Variants in CMYA5 observed in about 807,000 individuals in gnomAD.
CMYA5 encodes the protein cardiomyopathy-associated protein 5.
CMYA5 carries 246 observed loss-of-function variants against 318.9 expected under a neutral mutation model. That is an observed-to-expected ratio of 0.77 (90% CI 0.70 to 0.86). The LOEUF (loss-of-function observed/expected upper bound fraction) is 0.86. Ranked by LOEUF, CMYA5 falls within the 40% of genes least tolerant of loss-of-function variation. The probability of loss-of-function intolerance (pLI) is 0.00; values close to 1 mark genes in which losing one functional copy is unlikely to be tolerated. For synonymous variants in CMYA5, 1,641 were observed against 1,729.5 expected (o/e 0.95, Z 1.27); for missense variants, 4,589 against 4,678.2 (o/e 0.98, Z 0.56).
chr5:79,772,364 C>T (rs749661002), intron 9 of CMYA5, among the ~76,000 whole-genome samples: 9 of 152,126 alleles, frequency 5.9e-5, no homozygotes, highest in Non-Finnish European at 1.2e-4. Context: ...GTTGCACATG[C>T]GAAGCCCTGT....
intron 7 of CMYA5, among the ~76,000 whole-genome samples, chr5:79,759,644 GTGCTGCCA>G (rs1169237214): frequency 6.6e-6 from 1 of 152,170 alleles, no homozygotes; most frequent in Non-Finnish European, 1.5e-5. Flanking sequence ...AGAGCTGGGA[GTGCTGCCA>G]TTCTGTGTTG....
chr5:79,729,014 A>C lies in CMYA5; in HGVS notation c.249A>C (p.Ile83=). The change falls in exon 2 of 13, where the codon ATA becomes ATC. Residue 83 remains isoleucine, a synonymous_variant. Transcript: ENST00000446378. ...CAGTCCAAAGGGAAGATAGTGGGAT[A>C]ACCTGGGAAACCAATTCAAGTAGAT... ...MVTVQREDSG[I]TWETNSSRSS... 6.2e-7 allele frequency: 1 copy of C among 1,614,010 alleles called. No homozygotes were observed.
At chr5:79,794,072 C>T (rs1829229786) in intron 12 of CMYA5, among the ~76,000 whole-genome samples, 1 of 152,196 alleles carries the variant, frequency 6.6e-6, no homozygotes, top group Admixed American at 6.5e-5. Flanking sequence ...AGGAGTCCCT[C>T]CACAGAGAAG....
chr5:79,795,040 TA>T (rs1829250552), intron 12 of CMYA5, among the ~76,000 whole-genome samples: 1 of 152,096 alleles, frequency 6.6e-6, no homozygotes, highest in African/African-American at 2.4e-5. Context: ...CTCAAATCTT[TA>T]AAAAGCCCAC....
At chr5:79,700,177 A>G (rs946936017) in intron 1 of CMYA5, among the ~76,000 whole-genome samples, 1 of 152,122 alleles carries the variant, frequency 6.6e-6, no homozygotes, top group African/African-American at 2.4e-5. Context: ...TGTCAATCTC[A>G]TAAGTTTCCT....
At position 79,735,479 on chromosome 5, in the gene CMYA5, A is replaced by G; in HGVS notation, c.6714A>G (p.Leu2238=). Reference sequence around the variant, plus strand: ...CTGAGAAACCAGCTGATCATTCATTATCAGAGGTAAAACTTAAAACTGCTG... The same window carrying G: ...CTGAGAAACCAGCTGATCATTCATTGTCAGAGGTAAAACTTAAAACTGCTG... ...NVAEKPADHS[L]SEVKLKTADE... The change falls in exon 2 of 13, where the codon TTA becomes TTG. Residue 2238 remains leucine, a synonymous_variant. Coordinates refer to ENST00000446378, the MANE Select transcript of CMYA5 (RefSeq NM_153610.5). 3 of 1,613,844 alleles carry G rather than the reference A, an allele frequency of 1.9e-6. No individual in the cohort carries two copies. Among genetic ancestry groups the G allele is most frequent in the Non-Finnish European group, 8.5e-7 (1 of 1,179,776 alleles).
intron 1 of CMYA5, among the ~76,000 whole-genome samples, chr5:79,727,636 G>T (rs778674716): frequency 6.6e-6 from 1 of 152,206 alleles, no homozygotes; most frequent in Non-Finnish European, 1.5e-5. Flanking sequence ...TGCTGCATTG[G>T]TCAGGAATGA....
rs754790919 is a variant in CMYA5, at chr5:79,737,226, G to A, written c.8461G>A (p.Ala2821Thr). ...GTCACCTGTAAAACCACAAACTCTT[G>A]CTTCAGGAGCTTCTCCAGAAATTAA... ...LLSPVKPQTL[A>T]SGASPEINAV... Residue 2821 changes from alanine to threonine, a missense_variant, in exon 2 of 13, where the codon GCT (alanine) becomes ACT (threonine). Ala to Thr is a moderately conservative substitution (Grantham distance 58, BLOSUM62 0). Around this residue, in one of 3 missense-constraint regions of CMYA5, gnomAD observed 2,431 missense variants for 2,495.1 expected, o/e 0.97. Transcript: ENST00000446378. 5.6e-6 allele frequency: 9 copies of A among 1,613,646 alleles called. No individual in the cohort carries two copies. Among genetic ancestry groups the A allele is most frequent in the Non-Finnish European group, 7.6e-6 (9 of 1,179,780 alleles).
chr5:79,702,644 G>A (rs1299827783), intron 1 of CMYA5, among the ~76,000 whole-genome samples: 1 of 152,110 alleles, frequency 6.6e-6, no homozygotes, highest in Non-Finnish European at 1.5e-5. Flanking sequence ...GGCATGGGGT[G>A]TCTTTTTGGG....
At chr5:79,771,575 C>T (rs1387032412) in intron 9 of CMYA5, among the ~76,000 whole-genome samples, 2 of 152,162 alleles carry the variant, frequency 1.3e-5, no homozygotes, top group African/African-American at 4.8e-5. Context: ...AGCCATCTCA[C>T]TAGGGAACAG....
intron 9 of CMYA5, among the ~76,000 whole-genome samples, chr5:79,771,476 G>A (rs1828855470): frequency 6.6e-6 from 1 of 152,124 alleles, no homozygotes; most frequent in African/African-American, 2.4e-5. Flanking sequence ...TCCCTTAATG[G>A]CATCCGTCCC....
At chr5:79,713,172 A>G (rs112087439) in intron 1 of CMYA5, among the ~76,000 whole-genome samples, 2,592 of 152,202 alleles carry the variant, frequency 0.017, 80 homozygotes, top group African/African-American at 0.058. Context: ...CAGCTATTAC[A>G]TATCTGAAGA....
chr5:79,692,972 C>T (rs1203216918), intron 1 of CMYA5, among the ~76,000 whole-genome samples: 1 of 152,192 alleles, frequency 6.6e-6, no homozygotes. Context: ...CTCATATTCA[C>T]CTTCTAGTTG....
Position 79,729,026 on chromosome 5 carries a change from C to A in CMYA5, c.261C>A (p.Thr87=). ...QREDSGITWE[T]NSSRSSTPWA... ...AAGATAGTGGGATAACCTGGGAAAC[C>A]AATTCAAGTAGATCTTCTACTCCTT... The change falls in exon 2 of 13, where the codon ACC becomes ACA. Residue 87 remains threonine (T), a synonymous_variant. Coordinates refer to ENST00000446378, the MANE Select transcript of CMYA5 (RefSeq NM_153610.5). 1.2e-6 allele frequency: 2 copies of A among 1,613,884 alleles called. No homozygotes were observed. The highest frequency in any genetic ancestry group is 8.5e-7 in the Non-Finnish European group (1 of 1,179,856).
rs62620747 is a variant in CMYA5, at chr5:79,736,818, G to A, written c.8053G>A (p.Gly2685Ser). ...CAGAGAGTCAGAGCTATCGAAAGGC[G>A]GTTCAGTAGATATCACAAAAGAAAC... is the stretch of plus-strand genomic sequence containing the variant. Reference protein sequence around the residue: ...QFRESELSKGGSVDITKETVK... With the variant: ...QFRESELSKGSSVDITKETVK... Residue 2685 changes from glycine to serine, a missense_variant, in exon 2 of 13, where the codon GGT becomes AGT. By Grantham distance (56) the Gly-to-Ser change is moderately conservative. Transcript: ENST00000446378. 74 of 1,610,278 alleles carry A rather than the reference G, an allele frequency of 4.6e-5. No homozygotes were observed. The highest frequency in any genetic ancestry group is 3.3e-4 in the Middle Eastern group (2 of 6,064).
chr5:79,735,858 G>A lies in CMYA5; in HGVS notation c.7093G>A (p.Glu2365Lys), dbSNP rs368196442. ...SKWNISIFKEEPRSDQKQKSL... is the reference protein window; with the variant it reads ...SKWNISIFKEKPRSDQKQKSL... The stretch of plus-strand genomic sequence containing the variant: ...ATGGAATATTTCTATTTTTAAGGAA[G>A]AGCCAAGAAGTGATCAAAAACAAAA... The change falls in exon 2 of 13, where the codon GAG (glutamate) becomes AAG (lysine). Residue 2365 changes from glutamate to lysine, a missense_variant. By Grantham distance (56) the Glu-to-Lys change is moderately conservative. Around this residue, in one of 3 missense-constraint regions of CMYA5, gnomAD observed 2,431 missense variants for 2,495.1 expected, o/e 0.97. Coordinates refer to ENST00000446378, the MANE Select transcript of CMYA5 (RefSeq NM_153610.5). 5.1e-6 allele frequency: 8 copies of A among 1,559,612 alleles called. No homozygotes were observed. Among genetic ancestry groups the A allele is most frequent in the Non-Finnish European group, 6.9e-6 (8 of 1,161,224 alleles).
At chr5:79,698,832 G>A (rs1239998835) in intron 1 of CMYA5, among the ~76,000 whole-genome samples, 3 of 152,206 alleles carry the variant, frequency 2.0e-5, no homozygotes, top group Non-Finnish European at 2.9e-5. Flanking sequence ...CAGCTAGAAC[G>A]CAGTGCCTGC....
chr5:79,743,505 A>G (rs1318892989), intron 2 of CMYA5, among the ~76,000 whole-genome samples: 5 of 152,188 alleles, frequency 3.3e-5, no homozygotes, highest in African/African-American at 4.8e-5. Flanking sequence ...TACTAGAGAG[A>G]ACGCATTCAA....
chr5:79,727,431 AAC>A (rs1827771581), intron 1 of CMYA5, among the ~76,000 whole-genome samples: 1 of 152,236 alleles, frequency 6.6e-6, no homozygotes, highest in Non-Finnish European at 1.5e-5. Flanking sequence ...TGATGATAAA[AAC>A]AGTTTACGAA....
Sources: allele counts gnomAD v4.1 joint callset (sites outside exome capture counted in the v4.1 genomes callset), GRCh38; gene constraint gnomAD v4.1.1; regional missense constraint gnomAD v4.1.1; transcripts MANE v1.5; gene names NCBI Gene and HGNC (gene_info 2026-07-23, HGNC 2026-07-21).